Variants in PTPRM observed in about 807,000 individuals in gnomAD.
The protein encoded by PTPRM is protein tyrosine phosphatase receptor type M.
Under a neutral mutation model 186.7 loss-of-function variants are expected in PTPRM, and 47 were observed. The ratio of observed to expected loss-of-function variants is 0.25; its 90% CI spans 0.20 to 0.32. The LOEUF (loss-of-function observed/expected upper bound fraction) is 0.32, where lower values mean the gene tolerates loss of function less well. PTPRM is among the 10% of genes least tolerant of loss of function. The pLI is 1.00. For missense variants in PTPRM, 1,494 were observed against 1,865.0 expected (o/e 0.80, Z 3.66); for synonymous variants, 668 against 674.9 (o/e 0.99, Z 0.16).
chr18:7,887,177 A>G (rs1055965080), intron 2 of PTPRM, among the ~76,000 whole-genome samples: 4 of 152,120 alleles, frequency 2.6e-5, no homozygotes, highest in Non-Finnish European at 5.9e-5. Context: ...AAGCCGACCT[A>G]TGATAGCCTA....
chr18:8,218,857 C>T (rs2094120480), intron 14 of PTPRM, among the ~76,000 whole-genome samples: 1 of 152,190 alleles, frequency 6.6e-6, no homozygotes, highest in Admixed American at 6.5e-5. Context: ...GCTACTTTTT[C>T]AGAACATGTT....
chr18:8,142,184 T>C (rs542601282), intron 13 of PTPRM, among the ~76,000 whole-genome samples: 74 of 152,356 alleles, frequency 4.9e-4, no homozygotes, highest in Admixed American at 1.3e-3. Context: ...AGAAATAAAA[T>C]TGACCTGTAG....
chr18:8,294,010 G>A (rs1288683827), intron 19 of PTPRM, among the ~76,000 whole-genome samples: 1 of 152,142 alleles, frequency 6.6e-6, no homozygotes, highest in Non-Finnish European at 1.5e-5. Flanking sequence ...CCCAGCAGGT[G>A]AATCCCAAGG....
At chr18:8,146,837 T>TAAGGAAG (rs1268893170) in intron 14 of PTPRM, among the ~76,000 whole-genome samples, 2 of 152,202 alleles carry the variant, frequency 1.3e-5, no homozygotes, top group African/African-American at 4.8e-5. Flanking sequence ...GTATCAGGTG[T>TAAGGAAG]AAGGAAGGGG....
At chr18:8,393,829 C>G (rs1052499907) in intron 31 of PTPRM, among the ~76,000 whole-genome samples, 1 of 152,102 alleles carries the variant, frequency 6.6e-6, no homozygotes, top group African/African-American at 2.4e-5. Context: ...CGCTCTGTTG[C>G]CCAGGCTGGA....
intron 23 of PTPRM, among the ~76,000 whole-genome samples, chr18:8,343,852 A>G (rs2095488789): frequency 1.4e-5 from 1 of 69,264 alleles, no homozygotes; most frequent in East Asian, 3.3e-4. Context: ...AGACATGACT[A>G]CCTTCCCAAA....
At chr18:8,228,585 G>A (rs1445455032) in intron 14 of PTPRM, among the ~76,000 whole-genome samples, 1 of 151,680 alleles carries the variant, frequency 6.6e-6, no homozygotes, top group Non-Finnish European at 1.5e-5. Flanking sequence ...GCTCACACCT[G>A]TAATCCCAGC....
chr18:7,812,622 C>T (rs1432611770), intron 2 of PTPRM, among the ~76,000 whole-genome samples: 1 of 152,148 alleles, frequency 6.6e-6, no homozygotes, highest in Non-Finnish European at 1.5e-5. Context: ...GAAAATAAAA[C>T]TCTACAAAGC....
intron 1 of PTPRM, among the ~76,000 whole-genome samples, chr18:7,659,356 T>C (rs186964182): frequency 9.7e-4 from 147 of 152,314 alleles, no homozygotes; most frequent in Admixed American, 1.5e-3. Flanking sequence ...CATAACTATC[T>C]ATTGAATAAG....
intron 14 of PTPRM, among the ~76,000 whole-genome samples, chr18:8,219,260 G>A (rs548304840): frequency 2.1e-4 from 32 of 152,274 alleles, no homozygotes; most frequent in Non-Finnish European, 4.6e-4. Context: ...GAGGTCAGGC[G>A]ATCGAGACCA....
chr18:7,996,356 C>T (rs768995959), intron 7 of PTPRM, among the ~76,000 whole-genome samples: 11 of 152,006 alleles, frequency 7.2e-5, no homozygotes, highest in African/African-American at 9.7e-5. Flanking sequence ...AATTTAATAT[C>T]TCCTCATGAT....
At chr18:8,076,707 T>C (rs956114570) in intron 9 of PTPRM, 143 bp downstream of exon 9, 1 of 491,344 alleles carries the variant, frequency 2.0e-6, no homozygotes, top group African/African-American at 2.0e-5. Context: ...GGTTGTTATA[T>C]AGAAGAAAAT....
chr18:7,789,327 A>AATG (rs150471424), intron 2 of PTPRM, among the ~76,000 whole-genome samples: 9,626 of 151,738 alleles, frequency 0.063, 888 homozygotes, highest in African/African-American at 0.2. Context: ...CCTGTCTTTA[A>AATG]ATGATGATGA....
intron 2 of PTPRM, among the ~76,000 whole-genome samples, chr18:7,846,786 T>C (rs1056368506): frequency 3.3e-5 from 5 of 152,184 alleles, no homozygotes; most frequent in African/African-American, 1.2e-4. Flanking sequence ...TTCGGAGCTC[T>C]GCTCAGCTAT....
At chr18:7,909,758 TACA>T (rs2050170901) in intron 4 of PTPRM, among the ~76,000 whole-genome samples, 1 of 109,716 alleles carries the variant, frequency 9.1e-6, no homozygotes, top group Non-Finnish European at 2.0e-5. Context: ...GAGTAAGCAT[TACA>T]ACATTTTTTA....
intron 1 of PTPRM, among the ~76,000 whole-genome samples, chr18:7,709,666 A>G (rs1177174527): frequency 6.6e-6 from 1 of 152,214 alleles, no homozygotes; most frequent in Non-Finnish European, 1.5e-5. Context: ...TAGCGAGATT[A>G]ACCAAGAAAA....
At chr18:7,906,752 G>T (rs970474655) in intron 4 of PTPRM, among the ~76,000 whole-genome samples, 169 bp downstream of exon 4, 6 of 152,202 alleles carry the variant, frequency 3.9e-5, no homozygotes, top group African/African-American at 1.4e-4. Flanking sequence ...CATGTACTTT[G>T]TGTAAATGCC....
At chr18:7,841,937 A>AT (rs11389625) in intron 2 of PTPRM, among the ~76,000 whole-genome samples, 90,519 of 150,926 alleles carry the variant, frequency 0.6, 27,462 homozygotes, top group East Asian at 0.85. Context: ...TTATGTTATT[A>AT]TTTTTTTTTC....
chr18:8,234,046 G>A (rs891456758), intron 14 of PTPRM, among the ~76,000 whole-genome samples: 2 of 152,188 alleles, frequency 1.3e-5, no homozygotes, highest in Non-Finnish European at 2.9e-5. Context: ...AAGTCTGGAA[G>A]TCAGGTAGTA....
Sources: gnomAD v4.1 joint callset for allele counts (sites outside exome capture counted in the v4.1 genomes callset) on GRCh38, gnomAD v4.1.1 for gene constraint, MANE v1.5 for transcripts, NCBI Gene and HGNC (gene_info 2026-07-23, HGNC 2026-07-21) for gene names.